Variants in DPF3 observed in about 807,000 individuals in gnomAD.
DPF3 encodes double PHD fingers 3.
DPF3 carries 18 observed loss-of-function variants against 56.8 expected under a neutral mutation model. That is an observed-to-expected ratio of 0.32 (90% CI 0.22 to 0.47). DPF3 has a LOEUF of 0.47. Among genes scored for constraint, DPF3 ranks in the 20% least tolerant of loss-of-function variants. DPF3 has a pLI of 1.00. For synonymous variants in DPF3, 188 were observed against 180.2 expected (o/e 1.04, Z -0.35); for missense variants, 403 against 488.8 (o/e 0.82, Z 1.65).
At position 72,616,522 on chromosome 14, in the gene DPF3, G is replaced by A. The variant is rs1599303105; in HGVS notation, c.*2775C>T. ...CTAATGCACACAAGAAGGCGGACATGGAAAACATCCGGAGTTCTTCCCAGA... is the reference window on the plus strand; with the variant it reads ...CTAATGCACACAAGAAGGCGGACATAGAAAACATCCGGAGTTCTTCCCAGA... On this transcript the variant is annotated 3_prime_UTR_variant, in exon 11 of 11. Coordinates refer to ENST00000556509, the MANE Select transcript of DPF3 (RefSeq NM_001280542.3). Among the ~76,000 whole-genome samples, 1 of 152,152 alleles carries A rather than the reference G, an allele frequency of 6.6e-6. No individual in the cohort carries two copies. The highest frequency in any genetic ancestry group is 1.5e-5 in the Non-Finnish European group (1 of 68,026).
intron 1 of DPF3, among the ~76,000 whole-genome samples, chr14:72,864,383 T>C (rs1057141019): frequency 2.6e-5 from 4 of 152,168 alleles, no homozygotes; most frequent in African/African-American, 9.7e-5. Context: ...TACACTTGTG[T>C]TTTTGGTCAG....
At chr14:72,749,519 T>C (rs968553981) in intron 3 of DPF3, among the ~76,000 whole-genome samples, 1 of 152,178 alleles carries the variant, frequency 6.6e-6, no homozygotes, top group African/African-American at 2.4e-5. Context: ...GAAGGCATGA[T>C]TGGTTTTGAA....
chr14:72,823,442 G>A (rs887463932), intron 1 of DPF3, among the ~76,000 whole-genome samples: 1 of 152,212 alleles, frequency 6.6e-6, no homozygotes, highest in African/African-American at 2.4e-5. Context: ...CAGCTATTAT[G>A]CATTCCCAAC....
chr14:72,846,188 G>A (rs1308882344), intron 1 of DPF3, among the ~76,000 whole-genome samples: 2 of 151,062 alleles, frequency 1.3e-5, no homozygotes, highest in Non-Finnish European at 2.9e-5. Context: ...TCAGCTCACT[G>A]CAACCTCTAC....
intron 8 of DPF3, among the ~76,000 whole-genome samples, chr14:72,641,546 G>A (rs1405807160): frequency 6.6e-6 from 1 of 152,218 alleles, no homozygotes; most frequent in Non-Finnish European, 1.5e-5. Flanking sequence ...GGCAGGTCCT[G>A]ATGGAGGCTT....
intron 1 of DPF3, among the ~76,000 whole-genome samples, chr14:72,840,976 C>G (rs1409376110): frequency 6.6e-6 from 1 of 152,228 alleles, no homozygotes; most frequent in Admixed American, 6.5e-5. Flanking sequence ...CTTCCAAACT[C>G]TAGCTCCTCC....
rs2023479 is a variant in DPF3, at chr14:72,677,663, C to T, written c.743-3295G>A. ...GGATGGCAGGGATGTTAGTGGGTGG[C>T]ACAGTGATGCCCTGGGAGCACCGGA... On this transcript the variant is annotated intron_variant, in intron 7 of 10. Coordinates refer to ENST00000556509, the MANE Select transcript of DPF3 (RefSeq NM_001280542.3). Among the ~76,000 whole-genome samples, 1,274 of 152,258 alleles carry T rather than the reference C, an allele frequency of 8.4e-3. 22 individuals carry two copies. Among genetic ancestry groups the T allele is most frequent in the African/African-American group, 0.029 (1,197 of 41,530 alleles).
intron 6 of DPF3, among the ~76,000 whole-genome samples, chr14:72,706,267 C>T (rs1888399791): frequency 6.6e-6 from 1 of 152,214 alleles, no homozygotes; most frequent in Non-Finnish European, 1.5e-5. Context: ...TAAGGGCCTT[C>T]TTGGCATCCC....
chr14:72,800,390 A>T (rs1892825849), intron 1 of DPF3, among the ~76,000 whole-genome samples: 1 of 146,794 alleles, frequency 6.8e-6, no homozygotes, highest in Non-Finnish European at 1.5e-5. Flanking sequence ...GGATGGATGG[A>T]TGGATGGATG....
intron 1 of DPF3, among the ~76,000 whole-genome samples, chr14:72,841,957 T>C (rs1884559377): frequency 6.6e-6 from 1 of 151,938 alleles, no homozygotes; most frequent in Admixed American, 6.6e-5. Context: ...GGTGTGGTGG[T>C]ACACCTGTAA....
intron 2 of DPF3, among the ~76,000 whole-genome samples, chr14:72,757,576 C>T (rs560398168): frequency 2.6e-5 from 4 of 151,776 alleles, no homozygotes; most frequent in Non-Finnish European, 5.9e-5. Flanking sequence ...TGCTCAGAAC[C>T]GGGTAACAGG....
At chr14:72,620,086 A>C in intron 9 of DPF3, 102 bp from the exon 10 acceptor site, 2 of 1,229,092 alleles carry the variant, frequency 1.6e-6, no homozygotes, top group Non-Finnish European at 2.2e-6. Flanking sequence ...CGTCGGTCTC[A>C]CTGGATCCCC....
chr14:72,668,833 A>T (rs928359816), intron 8 of DPF3, among the ~76,000 whole-genome samples: 2 of 152,206 alleles, frequency 1.3e-5, no homozygotes, highest in African/African-American at 4.8e-5. Flanking sequence ...GCAAGTTGTA[A>T]TCCCATGAAT....
chr14:72,718,771 A>ATT (rs766396428), intron 5 of DPF3, among the ~76,000 whole-genome samples: 1 of 93,896 alleles, frequency 1.1e-5, no homozygotes, highest in Non-Finnish European at 1.9e-5. Flanking sequence ...CACCCTTGCT[A>ATT]TTTTTTTTTT....
chr14:72,731,060 G>A (rs1889618687), intron 4 of DPF3, among the ~76,000 whole-genome samples: 1 of 152,124 alleles, frequency 6.6e-6, no homozygotes, highest in Non-Finnish European at 1.5e-5. Context: ...CAGCTACTCG[G>A]TAGGCTGAGA....
intron 1 of DPF3, among the ~76,000 whole-genome samples, chr14:72,778,417 G>C (rs1227361143): frequency 6.6e-6 from 1 of 152,182 alleles, no homozygotes; most frequent in Non-Finnish European, 1.5e-5. Flanking sequence ...TTGATGATCT[G>C]TCACTGTCTC....
chr14:72,737,602 A>T (rs569963826), intron 3 of DPF3, among the ~76,000 whole-genome samples: 5 of 152,366 alleles, frequency 3.3e-5, no homozygotes, highest in African/African-American at 1.2e-4. Context: ...AAAATATGCC[A>T]TATAGAAAAC....
intron 7 of DPF3, chr14:72,679,294 A>G (rs1207942798): frequency 6.6e-6 from 1 of 152,294 alleles, no homozygotes; most frequent in Admixed American, 6.5e-5. Flanking sequence ...GCTGCGTCCC[A>G]AGCATCCTAG....
At chr14:72,653,914 C>T (rs139649964) in intron 8 of DPF3, among the ~76,000 whole-genome samples, 141 of 152,316 alleles carry the variant, frequency 9.3e-4, no homozygotes, top group African/African-American at 2.4e-3. Context: ...GGTTCTGTTA[C>T]GACATCTACA....
Sources: gnomAD v4.1 joint callset for allele counts (sites outside exome capture counted in the v4.1 genomes callset) on GRCh38, gnomAD v4.1.1 for gene constraint, MANE v1.5 for transcripts, NCBI Gene and HGNC (gene_info 2026-07-23, HGNC 2026-07-21) for gene names.